Variants in LRRC4C observed in about 807,000 individuals in gnomAD.
LRRC4C encodes the protein leucine-rich repeat-containing protein 4C.
Under a neutral mutation model 33.6 loss-of-function variants are expected in LRRC4C, and 5 were observed. The observed-to-expected ratio is 0.15, with a 90% CI of 0.08 to 0.31. The LOEUF (loss-of-function observed/expected upper bound fraction) is 0.31, where lower values mean the gene tolerates loss of function less well. LRRC4C is among the 10% of genes least tolerant of loss of function. The pLI, the probability that LRRC4C is intolerant of heterozygous loss-of-function variation, is 1.00. For synonymous variants in LRRC4C, 329 were observed against 302.0 expected, an observed-to-expected ratio of 1.09 and a Z score of -0.93; for missense variants, 560 against 796.7, an observed-to-expected ratio of 0.70 and a Z score of 3.58.
rs1302277433 is a variant in LRRC4C, at chr11:40,128,588, CCT to C, written c.-43+12211_-43+12212del. Reference sequence around the variant, plus strand: ...TTGAAACACCCCTATTAGCTCCATACCTTTTTAGAACAAAATGCAAACTGCTT... The same window carrying C: ...TTGAAACACCCCTATTAGCTCCATACTTTTAGAACAAAATGCAAACTGCTT... On this transcript the variant is annotated intron_variant, in intron 6 of 6. Transcript: ENST00000528697. Among the ~76,000 whole-genome samples the C allele has an allele frequency of 3.9e-5, 6 of 152,252 alleles. No individual in the cohort carries two copies. In the East Asian group the frequency reaches 1.2e-3, roughly 29 times the overall value.
intron 5 of LRRC4C, among the ~76,000 whole-genome samples, chr11:40,218,740 T>TATCC (rs1257136941): frequency 6.2e-4 from 83 of 134,614 alleles, no homozygotes; most frequent in Admixed American, 1.1e-3. Flanking sequence ...TCTATCTATC[T>TATCC]ATCCATCCAT....
chr11:41,206,880 G>A (rs1946622531), intron 1 of LRRC4C, among the ~76,000 whole-genome samples: 2 of 152,086 alleles, frequency 1.3e-5, no homozygotes, highest in South Asian at 4.1e-4. Context: ...GTAATAAGAT[G>A]AGAACAGAAT....
intron 3 of LRRC4C, among the ~76,000 whole-genome samples, chr11:40,609,320 A>G: frequency 6.6e-6 from 1 of 152,082 alleles, no homozygotes; most frequent in East Asian, 1.9e-4. Context: ...TAAATAAGCA[A>G]TGGGTCAAAG....
intron 2 of LRRC4C, among the ~76,000 whole-genome samples, chr11:40,740,978 T>A (rs549943263): frequency 6.6e-6 from 1 of 152,238 alleles, no homozygotes; most frequent in African/African-American, 2.4e-5. Flanking sequence ...TCAACTGGTC[T>A]TTATGTCTGT....
At chr11:41,021,817 A>T (rs1856003722) in intron 1 of LRRC4C, among the ~76,000 whole-genome samples, 1 of 152,028 alleles carries the variant, frequency 6.6e-6, no homozygotes. Flanking sequence ...CTCTATATGC[A>T]TGAAGGTGTC....
rs537896556 is a variant in LRRC4C at position 40,384,730 on chromosome 11, C to T, written c.-269-65009G>A. Among the ~76,000 whole-genome samples, 420 of 152,202 alleles carry T rather than the reference C, an allele frequency of 2.8e-3. 3 individuals are homozygous for T. The highest frequency in any genetic ancestry group is 9.6e-3 in the African/African-American group (398 of 41,516). ...TTAGACCATCTCAATTGGTATTCTC[C>T]ACCTTTCTTTTCTTTTTTCATCACA... On this transcript the variant is annotated intron_variant, in intron 3 of 6. Transcript: ENST00000528697.
intron 2 of LRRC4C, among the ~76,000 whole-genome samples, chr11:40,695,612 G>A (rs535986828): frequency 1.8e-4 from 27 of 152,258 alleles, no homozygotes; most frequent in African/African-American, 6.3e-4. Flanking sequence ...AGTCACGATG[G>A]CAGCACCAGC....
intron 1 of LRRC4C, among the ~76,000 whole-genome samples, chr11:41,027,284 A>G (rs954418929): frequency 6.6e-5 from 10 of 151,836 alleles, no homozygotes; most frequent in Admixed American, 3.9e-4. Context: ...TTCAAAGCAA[A>G]GCAAGCTTGT....
intron 2 of LRRC4C, among the ~76,000 whole-genome samples, chr11:40,832,058 T>C (rs1026794518): frequency 4.6e-5 from 7 of 152,306 alleles, no homozygotes; most frequent in South Asian, 2.1e-4. Flanking sequence ...GTGATTGTTA[T>C]TGCGTGTACT....
chr11:40,273,197 G>A (rs1418698333), intron 4 of LRRC4C, among the ~76,000 whole-genome samples: 1 of 152,078 alleles, frequency 6.6e-6, no homozygotes, highest in South Asian at 2.1e-4. Context: ...AGGAAGTCTG[G>A]TTCCCTGAAT....
intron 3 of LRRC4C, among the ~76,000 whole-genome samples, chr11:40,492,911 G>T (rs575605342): frequency 5.9e-5 from 9 of 152,092 alleles, no homozygotes; most frequent in Non-Finnish European, 1.2e-4. Context: ...TTCTCTTTCT[G>T]CTACATTGCT....
chr11:40,168,454 AATCCACTTCAC>A (rs1357725418), intron 5 of LRRC4C, among the ~76,000 whole-genome samples: 2 of 152,204 alleles, frequency 1.3e-5, no homozygotes, highest in African/African-American at 4.8e-5. Context: ...CAAGTCAATG[AATCCACTTCAC>A]ATCTGTGTGG....
At chr11:40,597,968 C>T (rs1424529271) in intron 3 of LRRC4C, among the ~76,000 whole-genome samples, 1 of 152,172 alleles carries the variant, frequency 6.6e-6, no homozygotes, top group African/African-American at 2.4e-5. Context: ...GAGCTTTGAT[C>T]AATTAAGGTT....
At chr11:41,137,376 T>C (rs1015543321) in intron 1 of LRRC4C, among the ~76,000 whole-genome samples, 4 of 152,346 alleles carry the variant, frequency 2.6e-5, no homozygotes, top group Non-Finnish European at 4.4e-5. Context: ...ACAGTGTCTT[T>C]ATGTGAGATT....
intron 1 of LRRC4C, among the ~76,000 whole-genome samples, chr11:40,982,847 C>T (rs1351893292): frequency 6.6e-6 from 1 of 152,104 alleles, no homozygotes; most frequent in Non-Finnish European, 1.5e-5. Context: ...CAATGGTCCC[C>T]AGGGTGTGTT....
At chr11:40,522,202 A>T (rs920987900) in intron 3 of LRRC4C, among the ~76,000 whole-genome samples, 1 of 152,110 alleles carries the variant, frequency 6.6e-6, no homozygotes, top group Non-Finnish European at 1.5e-5. Context: ...TTATATACAT[A>T]TATTTTTAGT....
At chr11:41,054,380 C>T (rs355221) in intron 1 of LRRC4C, among the ~76,000 whole-genome samples, 35,933 of 152,026 alleles carry the variant, frequency 0.24, 4,513 homozygotes, top group East Asian at 0.34. Context: ...ACTTGCTCTC[C>T]GTCAGACAGA....
intron 1 of LRRC4C, among the ~76,000 whole-genome samples, chr11:41,258,019 G>A (rs1162156880): frequency 6.6e-6 from 1 of 151,842 alleles, no homozygotes; most frequent in Non-Finnish European, 1.5e-5. Flanking sequence ...CATGAGCTAG[G>A]TAACGATATA....
intron 2 of LRRC4C, among the ~76,000 whole-genome samples, chr11:40,663,755 T>A (rs978069415): frequency 3.3e-5 from 5 of 152,130 alleles, no homozygotes; most frequent in African/African-American, 9.7e-5. Flanking sequence ...CTAATAACAA[T>A]ACTATGGTCT....
Sources: gnomAD v4.1 joint callset for allele counts (sites outside exome capture counted in the v4.1 genomes callset) on GRCh38, gnomAD v4.1.1 for gene constraint, MANE v1.5 for transcripts, NCBI Gene and HGNC (gene_info 2026-07-23, HGNC 2026-07-21) for gene names.